SAMD3: variants seen among roughly 807,000 people sequenced by gnomAD.
SAMD3 encodes sterile alpha motif domain-containing protein 3.
In SAMD3, 63 loss-of-function variants were observed where a neutral mutation model predicts 58.5. That is an observed-to-expected ratio of 1.08 (90% CI 0.88 to 1.33). The LOEUF (loss-of-function observed/expected upper bound fraction) is 1.33, where lower values mean the gene tolerates loss of function less well. Ranked by LOEUF, SAMD3 falls within the 40% of genes most tolerant of loss-of-function variation. The pLI is 0.00. For missense variants in SAMD3, 604 were observed against 608.4 expected (o/e 0.99, Z 0.08); for synonymous variants, 220 against 210.3 (o/e 1.05, Z -0.40).
intron 2 of SAMD3, among the ~76,000 whole-genome samples, chr6:130,264,926 C>T (rs1774284778): frequency 6.6e-6 from 1 of 152,144 alleles, no homozygotes; most frequent in African/African-American, 2.4e-5. Flanking sequence ...TGGCCTATCT[C>T]TCAAAACAAC....
chr6:130,358,754 C>T (rs1308564134), intron 1 of SAMD3, among the ~76,000 whole-genome samples: 1 of 150,380 alleles, frequency 6.6e-6, no homozygotes, highest in Non-Finnish European at 1.5e-5. Flanking sequence ...CACACACACA[C>T]ACACACATTT....
chr6:130,326,064 G>A (rs960373284), intron 1 of SAMD3, among the ~76,000 whole-genome samples: 1 of 152,142 alleles, frequency 6.6e-6, no homozygotes, highest in Non-Finnish European at 1.5e-5. Flanking sequence ...GAATGTCAGA[G>A]GAATGAATAA....
intron 2 of SAMD3, among the ~76,000 whole-genome samples, chr6:130,263,189 G>C (rs7741937): frequency 0.018 from 2,804 of 152,170 alleles, 79 homozygotes; most frequent in African/African-American, 0.063. Flanking sequence ...GGTGCTAAAG[G>C]AAATTTCTCA....
intron 8 of SAMD3, among the ~76,000 whole-genome samples, chr6:130,157,104 TA>T (rs1789857879): frequency 1.4e-5 from 2 of 146,126 alleles, no homozygotes; most frequent in Non-Finnish European, 3.0e-5. Context: ...AATAAATAAA[TA>T]AATAAATAAA....
At chr6:130,311,380 C>T (rs1475087597) in intron 2 of SAMD3, among the ~76,000 whole-genome samples, 1 of 152,128 alleles carries the variant, frequency 6.6e-6, no homozygotes, top group African/African-American at 2.4e-5. Flanking sequence ...AGGAGGGGTT[C>T]CTCCAGCCTA....
At chr6:130,207,890 C>A in intron 5 of SAMD3, among the ~76,000 whole-genome samples, 1 of 152,098 alleles carries the variant, frequency 6.6e-6, no homozygotes, top group Non-Finnish European at 1.5e-5. Context: ...GAGCCAAAGC[C>A]CATTTGCAGG....
chr6:130,312,780 T>C (rs1423040823), intron 2 of SAMD3, among the ~76,000 whole-genome samples: 5 of 147,446 alleles, frequency 3.4e-5, no homozygotes, highest in Non-Finnish European at 5.9e-5. Flanking sequence ...AGGCCTTATG[T>C]GTGAGTATAC....
At chr6:130,219,291 G>C (rs999876320) in intron 1 of SAMD3, among the ~76,000 whole-genome samples, 5 of 151,926 alleles carry the variant, frequency 3.3e-5, no homozygotes, top group Non-Finnish European at 7.4e-5. Flanking sequence ...TATGCTAAAC[G>C]ATATGAAACA....
chr6:130,326,366 C>CTTT (rs1444494681), intron 1 of SAMD3, among the ~76,000 whole-genome samples: 5 of 113,266 alleles, frequency 4.4e-5, no homozygotes, highest in Admixed American at 9.0e-5. Context: ...AATGCCTGGT[C>CTTT]ATTTTTTTTT....
rs996874796 is a variant in SAMD3 at position 130,365,012 on chromosome 6, A to G, written c.-304+108T>C. 5.8e-5 allele frequency: 11 copies of G among 188,430 alleles called. No individual in the cohort carries two copies. The South Asian group carries it at 1.8e-3, about 31-fold the overall frequency. 11.7% of individuals were successfully genotyped at this position (188,430 alleles called of 1,614,324 possible). ...ATCATACTTGCCTTCTATCACTTAA[A>G]ACAGATCCAGGGGACACAAGCATAG... On this transcript the variant is annotated intron_variant, in intron 1 of 13. Coordinates refer to the SAMD3 transcript ENST00000368134.
chr6:130,221,124 G>T (rs1050607485), intron 1 of SAMD3, among the ~76,000 whole-genome samples: 1 of 152,152 alleles, frequency 6.6e-6, no homozygotes, highest in African/African-American at 2.4e-5. Flanking sequence ...AAAGTGCTGG[G>T]ATTACAGGCA....
intron 2 of SAMD3, among the ~76,000 whole-genome samples, chr6:130,309,887 C>G (rs1562514226): frequency 6.6e-6 from 1 of 152,088 alleles, no homozygotes; most frequent in East Asian, 1.9e-4. Context: ...TTTCTCCTTC[C>G]AGCTCAGAAA....
In SAMD3 at chr6:130,146,162, A is replaced by C; in HGVS notation, c.1043T>G (p.Leu348Arg). 1.3e-6 allele frequency: 2 copies of C among 1,584,288 alleles called. No homozygotes were observed. Among genetic ancestry groups the C allele is most frequent in the South Asian group, 2.4e-5 (2 of 84,840 alleles). ...CTTATAAATATCTGTTCTTGTAAGAAGTTGGAATTCTCTGAACATCTGACA... is the reference window on the plus strand; with the variant it reads ...CTTATAAATATCTGTTCTTGTAAGACGTTGGAATTCTCTGAACATCTGACA... ...CPYQMFREFQ[L>R]LTRTDIYKKT... The change falls in exon 10 of 12, where the codon CTT becomes CGT. Residue 348 changes from leucine (L) to arginine (R), a missense_variant. Coordinates refer to ENST00000439090, the MANE Select transcript of SAMD3 (RefSeq NM_001017373.4).
chr6:130,234,602 A>G (rs1488167765), intron 2 of SAMD3, among the ~76,000 whole-genome samples: 1 of 152,172 alleles, frequency 6.6e-6, no homozygotes, highest in African/African-American at 2.4e-5. Flanking sequence ...ATCACTACCA[A>G]ATCTGCATAG....
At chr6:130,309,351 G>T (rs962895203) in intron 2 of SAMD3, among the ~76,000 whole-genome samples, 1 of 152,122 alleles carries the variant, frequency 6.6e-6, no homozygotes, top group South Asian at 2.1e-4. Flanking sequence ...TGTAAAATGG[G>T]TATAATAATA....
chr6:130,301,658 C>T (rs1376749820), intron 2 of SAMD3, among the ~76,000 whole-genome samples: 2 of 152,136 alleles, frequency 1.3e-5, no homozygotes, highest in African/African-American at 4.8e-5. Flanking sequence ...AATCTGGAGG[C>T]ATCACGTTGC....
intron 2 of SAMD3, among the ~76,000 whole-genome samples, chr6:130,308,383 C>CTATT (rs1775999492): frequency 7.1e-6 from 1 of 140,298 alleles, no homozygotes; most frequent in African/African-American, 2.8e-5. Context: ...CTATTCTATT[C>CTATT]TATTCTATTC....
Position 130,215,253 on chromosome 6 carries a change from C to T in SAMD3, c.21G>A (p.Glu7=), listed in dbSNP as rs749155291. Residue 7 remains glutamate (E), a synonymous_variant, in exon 3 of 12, where the codon GAG becomes GAA. Transcript: ENST00000439090. ...TCTCCACCAACCAACTGCAGACCTG[C>T]TCAACTGACCAGGTTTCCATTGCTG... METWSV[E]QVCSWLVEKN... 3 of 1,609,904 alleles carry T rather than the reference C, an allele frequency of 1.9e-6. No individual in the cohort carries two copies. Among genetic ancestry groups the T allele is most frequent in the Non-Finnish European group, 2.5e-6 (3 of 1,176,976 alleles).
At chr6:130,167,317 G>A (rs561095876) in intron 8 of SAMD3, among the ~76,000 whole-genome samples, 5 of 152,224 alleles carry the variant, frequency 3.3e-5, no homozygotes, top group South Asian at 4.1e-4. Context: ...TACAGTCAGA[G>A]GTGGGGAGAA....
Sources: allele counts gnomAD v4.1 joint callset (sites outside exome capture counted in the v4.1 genomes callset), GRCh38; gene constraint gnomAD v4.1.1; transcripts MANE v1.5; gene names NCBI Gene and HGNC (gene_info 2026-07-23, HGNC 2026-07-21).